PRKCE: variants seen among roughly 807,000 people sequenced by gnomAD.
PRKCE encodes the protein protein kinase C epsilon type.
In PRKCE, 16 loss-of-function variants were observed where a neutral mutation model predicts 85.4. That is an observed-to-expected ratio of 0.19 (90% CI 0.13 to 0.28). The LOEUF is 0.28. PRKCE is among the 10% of genes least tolerant of loss of function. The probability of loss-of-function intolerance (pLI) is 1.00; values close to 1 mark genes in which losing one functional copy is unlikely to be tolerated. For missense variants in PRKCE, 573 were observed against 975.2 expected (o/e 0.59, Z 5.49); for synonymous variants, 388 against 371.5 (o/e 1.04, Z -0.51).
chr2:45,766,184 A>G (rs370332332), intron 1 of PRKCE, among the ~76,000 whole-genome samples: 2 of 152,306 alleles, frequency 1.3e-5, no homozygotes, highest in African/African-American at 4.8e-5. Flanking sequence ...GCAGGTCCGT[A>G]TACTCCATAG....
chr2:45,714,141 T>A (rs960378290), intron 1 of PRKCE, among the ~76,000 whole-genome samples: 5 of 152,216 alleles, frequency 3.3e-5, no homozygotes, highest in Non-Finnish European at 7.3e-5. Flanking sequence ...TAGTGGCTGT[T>A]TAATGGCAGA....
In PRKCE at chr2:46,145,800, T is replaced by G. The variant is rs766798872; in HGVS notation, c.1731+569T>G. ...AAAGGATCAATTGAGCCCAGAAGGT[T>G]GAGGCTATAGTGAGCCATAATTGCA... On this transcript the variant is annotated intron_variant, in intron 12 of 14. Coordinates refer to ENST00000306156, the MANE Select transcript of PRKCE (RefSeq NM_005400.3). This position sits in a 1 kb window ranked among gnomAD's most constrained non-coding sequence, Gnocchi z 4.6. Among the ~76,000 whole-genome samples the G allele has an allele frequency of 7.1e-4, 108 of 152,106 alleles. No homozygotes were observed. Among genetic ancestry groups the G allele is most frequent in the Middle Eastern group, 3.4e-3 (1 of 294 alleles).
At chr2:46,049,838 T>C (rs1449723986) in intron 10 of PRKCE, among the ~76,000 whole-genome samples, 2 of 152,224 alleles carry the variant, frequency 1.3e-5, no homozygotes, top group Non-Finnish European at 2.9e-5. Context: ...GTTGATTTCA[T>C]GTAATTTACA....
chr2:45,898,509 G>A (rs1696323968), intron 2 of PRKCE, among the ~76,000 whole-genome samples: 1 of 152,222 alleles, frequency 6.6e-6, no homozygotes, highest in Non-Finnish European at 1.5e-5. Context: ...GAGTCTGGAA[G>A]CTTGGTCCCA....
chr2:45,822,764 C>A (rs1689639547), intron 1 of PRKCE, among the ~76,000 whole-genome samples: 1 of 152,196 alleles, frequency 6.6e-6, no homozygotes, highest in Non-Finnish European at 1.5e-5. Flanking sequence ...ATAGATTTCT[C>A]TTTTCTGCCT....
chr2:46,087,986 C>T (rs1223420944), intron 11 of PRKCE, among the ~76,000 whole-genome samples: 1 of 152,182 alleles, frequency 6.6e-6, no homozygotes, highest in African/African-American at 2.4e-5. Context: ...AAGATAATGT[C>T]CCTTTTGATT....
intron 1 of PRKCE, among the ~76,000 whole-genome samples, chr2:45,752,189 T>G (rs1387535817): frequency 3.3e-5 from 5 of 152,258 alleles, no homozygotes; most frequent in Admixed American, 3.3e-4. Flanking sequence ...ACTTGTTATG[T>G]GCTAAATATT....
chr2:46,131,751 CT>C (rs1454779694), intron 11 of PRKCE, among the ~76,000 whole-genome samples: 1 of 152,216 alleles, frequency 6.6e-6, no homozygotes, highest in Non-Finnish European at 1.5e-5. Flanking sequence ...CATGCAGACT[CT>C]ACTGCCTTGA....
intron 2 of PRKCE, among the ~76,000 whole-genome samples, chr2:45,912,103 C>T (rs569578931): frequency 5.3e-4 from 80 of 152,186 alleles, no homozygotes; most frequent in African/African-American, 1.9e-3. Flanking sequence ...GTGTAGCAGT[C>T]ATAGCTACGC....
chr2:45,792,712 A>C (rs1687127683), intron 1 of PRKCE, among the ~76,000 whole-genome samples: 1 of 152,158 alleles, frequency 6.6e-6, no homozygotes, highest in Non-Finnish European at 1.5e-5. Flanking sequence ...TTCTTCAAGG[A>C]CTGGTTGTAG....
chr2:45,868,784 AAAAATAAAAT>A (rs1219926733), intron 2 of PRKCE, among the ~76,000 whole-genome samples: 2 of 150,306 alleles, frequency 1.3e-5, no homozygotes, highest in African/African-American at 2.4e-5. Flanking sequence ...TAAAAATACA[AAAAATAAAAT>A]AAAATAAAAT....
At chr2:45,882,023 G>A (rs927939352) in intron 2 of PRKCE, among the ~76,000 whole-genome samples, 1 of 152,178 alleles carries the variant, frequency 6.6e-6, no homozygotes, top group Admixed American at 6.5e-5. Context: ...ACTGGCCAGG[G>A]GGGAAAGGTG....
intron 1 of PRKCE, among the ~76,000 whole-genome samples, chr2:45,835,872 G>A (rs1347745531): frequency 6.6e-5 from 10 of 152,146 alleles, no homozygotes; most frequent in Admixed American, 6.5e-4. Context: ...TGGGATTACA[G>A]GGGTGAGCCA....
At chr2:46,124,224 C>T (rs1207679799) in intron 11 of PRKCE, among the ~76,000 whole-genome samples, 13 of 152,078 alleles carry the variant, frequency 8.5e-5, no homozygotes, top group Admixed American at 8.5e-4. Context: ...ACTTGGGAGG[C>T]TGCGGCAGGA....
intron 13 of PRKCE, 151 bp downstream of exon 13, chr2:46,151,380 G>A (rs1052923811): frequency 1.1e-5 from 9 of 848,290 alleles, no homozygotes; most frequent in Middle Eastern, 3.5e-4. Context: ...TCATCACCAC[G>A]GAATGGGAAG....
At chr2:45,979,844 A>G (rs912900371) in intron 4 of PRKCE, among the ~76,000 whole-genome samples, 21 of 152,196 alleles carry the variant, frequency 1.4e-4, no homozygotes, top group African/African-American at 4.6e-4. Context: ...GTCAGGACAC[A>G]ACCAGATAAA....
intron 10 of PRKCE, among the ~76,000 whole-genome samples, chr2:46,064,821 A>T (rs1219084701): frequency 2.0e-5 from 3 of 152,182 alleles, no homozygotes; most frequent in African/African-American, 7.2e-5. Context: ...GAATTTTGCT[A>T]CTTGATGCTC....
chr2:45,721,428 A>G (rs528050719), intron 1 of PRKCE, among the ~76,000 whole-genome samples: 1 of 152,260 alleles, frequency 6.6e-6, no homozygotes, highest in South Asian at 2.1e-4. Flanking sequence ...TAGAAAAACT[A>G]GTTGTCAGGG....
intron 1 of PRKCE, among the ~76,000 whole-genome samples, chr2:45,764,282 A>G (rs1434172252): frequency 6.6e-6 from 1 of 152,236 alleles, no homozygotes; most frequent in East Asian, 1.9e-4. Context: ...CTTCTGCAAC[A>G]CAAGAGGGGT....
Sources: allele counts gnomAD v4.1 joint callset (sites outside exome capture counted in the v4.1 genomes callset), GRCh38; gene constraint gnomAD v4.1.1; non-coding constraint Gnocchi (gnomAD v3.1); transcripts MANE v1.5; gene names NCBI Gene and HGNC (gene_info 2026-07-23, HGNC 2026-07-21).